The following DIAPH3 variants were observed in gnomAD, a reference collection of about 807,000 sequenced individuals.
The protein encoded by DIAPH3 is protein diaphanous homolog 3.
A neutral mutation model predicts 144.3 loss-of-function variants in DIAPH3; 117 were observed. The observed-to-expected ratio is 0.81, with a 90% CI of 0.70 to 0.95. The LOEUF (loss-of-function observed/expected upper bound fraction) is 0.95. Ranked by LOEUF, DIAPH3 falls within the 40% of genes least tolerant of loss-of-function variation. The pLI, the probability that DIAPH3 is intolerant of heterozygous loss-of-function variation, is 0.00. For synonymous variants in DIAPH3, 519 were observed against 488.9 expected (o/e 1.06, Z -0.81); for missense variants, 1,421 against 1,412.7 (o/e 1.01, Z -0.09).
chr13:60,117,951 C>A (rs529045065), intron 2 of DIAPH3, among the ~76,000 whole-genome samples: 5 of 151,828 alleles, frequency 3.3e-5, no homozygotes, highest in Admixed American at 6.6e-5. Context: ...GAAACACAAC[C>A]CAGAGAGGTG....
intron 22 of DIAPH3, among the ~76,000 whole-genome samples, chr13:59,847,928 T>C (rs1399334308): frequency 6.6e-6 from 1 of 152,172 alleles, no homozygotes; most frequent in East Asian, 1.9e-4. Context: ...AACTCACTTT[T>C]CCAATTAGAA....
chr13:60,076,369 G>A (rs1456801281), intron 4 of DIAPH3, among the ~76,000 whole-genome samples: 2 of 152,086 alleles, frequency 1.3e-5, no homozygotes, highest in Non-Finnish European at 2.9e-5. Flanking sequence ...AAATTACTGT[G>A]AACCTTATCT....
intron 22 of DIAPH3, among the ~76,000 whole-genome samples, chr13:59,859,903 T>C (rs529171429): frequency 9.9e-5 from 15 of 152,272 alleles, no homozygotes; most frequent in African/African-American, 3.4e-4. Context: ...ACTATATATA[T>C]GGGAAGATTC....
At chr13:59,926,908 C>T (rs879486185) in intron 17 of DIAPH3, among the ~76,000 whole-genome samples, 3 of 152,138 alleles carry the variant, frequency 2.0e-5, no homozygotes, top group Non-Finnish European at 4.4e-5. Flanking sequence ...GATGGTCTGA[C>T]AAATGCTGAA....
At chr13:59,806,650 C>G (rs551023735) in intron 25 of DIAPH3, among the ~76,000 whole-genome samples, 4 of 151,922 alleles carry the variant, frequency 2.6e-5, no homozygotes, top group African/African-American at 9.6e-5. Flanking sequence ...TTGAAGCACT[C>G]ATTAGAATTT....
intron 24 of DIAPH3, among the ~76,000 whole-genome samples, chr13:59,811,456 T>C (rs1283072147): frequency 6.6e-6 from 1 of 152,050 alleles, no homozygotes; most frequent in East Asian, 1.9e-4. Flanking sequence ...AAATATTTCT[T>C]GGCCGGGCAC....
intron 20 of DIAPH3, among the ~76,000 whole-genome samples, chr13:59,903,978 T>C (rs897488629): frequency 6.6e-6 from 1 of 152,232 alleles, no homozygotes; most frequent in African/African-American, 2.4e-5. Flanking sequence ...ATAACACTTA[T>C]ATTCCAGTAT....
chr13:59,669,973 T>C (rs1326359077), intron 27 of DIAPH3, among the ~76,000 whole-genome samples: 1 of 152,224 alleles, frequency 6.6e-6, no homozygotes, highest in Non-Finnish European at 1.5e-5. Context: ...AATGTCTTAG[T>C]ACTCCTTGAT....
intron 23 of DIAPH3, among the ~76,000 whole-genome samples, chr13:59,833,790 A>G (rs1391038885): frequency 6.6e-6 from 1 of 151,662 alleles, no homozygotes; most frequent in Non-Finnish European, 1.5e-5. Context: ...AATATCACCA[A>G]CTCACAGGGC....
chr13:59,936,523 G>T (rs953845946), intron 17 of DIAPH3, among the ~76,000 whole-genome samples: 1 of 152,102 alleles, frequency 6.6e-6, no homozygotes, highest in Non-Finnish European at 1.5e-5. Context: ...GTGGATTAGG[G>T]AGAAAAATAA....
chr13:59,922,522 T>C (rs1466936788), intron 18 of DIAPH3, among the ~76,000 whole-genome samples: 1 of 152,104 alleles, frequency 6.6e-6, no homozygotes, highest in African/African-American at 2.4e-5. Context: ...ATTCTACTAC[T>C]GACCACTGTT....
intron 24 of DIAPH3, among the ~76,000 whole-genome samples, chr13:59,829,032 T>A (rs540947593): frequency 6.6e-6 from 1 of 152,080 alleles, no homozygotes; most frequent in East Asian, 1.9e-4. Context: ...GGAACAGATA[T>A]TCCTTCTTTA....
intron 4 of DIAPH3, among the ~76,000 whole-genome samples, chr13:60,083,091 C>T (rs575331072): frequency 5.9e-5 from 9 of 151,904 alleles, no homozygotes; most frequent in African/African-American, 2.2e-4. Context: ...CCAGGTCTAG[C>T]GGGCTAAATA....
chr13:59,736,583 A>G (rs2036165160), intron 27 of DIAPH3, among the ~76,000 whole-genome samples: 1 of 152,108 alleles, frequency 6.6e-6, no homozygotes, highest in South Asian at 2.1e-4. Context: ...TGGCCATATT[A>G]CCCAAAGCAA....
chr13:59,858,687 T>C (rs2043398120), intron 22 of DIAPH3, among the ~76,000 whole-genome samples: 1 of 152,210 alleles, frequency 6.6e-6, no homozygotes, highest in Non-Finnish European at 1.5e-5. Flanking sequence ...AAAACCTTTA[T>C]AGATTAATTT....
At chr13:59,688,428 T>C (rs894051648) in intron 27 of DIAPH3, among the ~76,000 whole-genome samples, 3 of 152,144 alleles carry the variant, frequency 2.0e-5, no homozygotes, top group African/African-American at 4.8e-5. Flanking sequence ...AGTGGATCAA[T>C]TGAACATTTC....
intron 17 of DIAPH3, among the ~76,000 whole-genome samples, chr13:59,933,986 A>C (rs866928269): frequency 2.2e-4 from 33 of 152,344 alleles, no homozygotes; most frequent in African/African-American, 7.9e-4. Context: ...ATTATGTACT[A>C]ATCAGATTGA....
At chr13:59,734,610 G>T (rs1020432512) in intron 27 of DIAPH3, among the ~76,000 whole-genome samples, 3 of 152,010 alleles carry the variant, frequency 2.0e-5, no homozygotes, top group Non-Finnish European at 2.9e-5. Context: ...TATAACAGCC[G>T]CTGCTGTCTT....
At chr13:60,014,750 G>A (rs975171936) in intron 7 of DIAPH3, among the ~76,000 whole-genome samples, 2 of 151,928 alleles carry the variant, frequency 1.3e-5, no homozygotes, top group Non-Finnish European at 2.9e-5. Context: ...ACCACCACAG[G>A]TAAAATTTCC....
Sources: allele counts gnomAD v4.1 joint callset (sites outside exome capture counted in the v4.1 genomes callset), GRCh38; gene constraint gnomAD v4.1.1; transcripts MANE v1.5; gene names NCBI Gene and HGNC (gene_info 2026-07-23, HGNC 2026-07-21).